Variants in AKNA observed in about 807,000 individuals in gnomAD.
The protein encoded by AKNA is microtubule organization protein AKNA.
A neutral mutation model predicts 138.8 loss-of-function variants in AKNA; 67 were observed. The ratio of observed to expected loss-of-function variants is 0.48; its 90% CI spans 0.40 to 0.59. The LOEUF is 0.59. Among genes scored for constraint, AKNA ranks in the 20% least tolerant of loss-of-function variants. The pLI is 0.00. For synonymous variants in AKNA, 737 were observed against 754.4 expected, an observed-to-expected ratio of 0.98 and a Z score of 0.38; for missense variants, 1,813 against 1,880.4, an observed-to-expected ratio of 0.96 and a Z score of 0.66.
Position 114,373,885 on chromosome 9 carries a change from CAA to C in AKNA, c.1416+206_1416+207del, listed in dbSNP as rs758805914. On this transcript the variant is annotated intron_variant, in intron 4 of 21. Transcript: ENST00000374088. Reference sequence around the variant, plus strand: ...TAGGTGACAGAGCAAGACCCTGACTCAAAAAAAAAAAAAAAAAAAAAAGCCCA... The same window carrying C: ...TAGGTGACAGAGCAAGACCCTGACTCAAAAAAAAAAAAAAAAAAAAGCCCA... Among the ~76,000 whole-genome samples, 50 of 78,994 alleles carry C rather than the reference CAA, an allele frequency of 6.3e-4. 2 individuals carry two copies. The highest frequency in any genetic ancestry group is 2.8e-3 in the Admixed American group (19 of 6,878). 51.8% of individuals were successfully genotyped at this position (78,994 alleles called of 152,430 possible). A position where few individuals can be genotyped will look rare whatever the true frequency, so the allele number is the denominator to read the frequency against.
chr9:114,362,822 T>C (rs1240985410), intron 7 of AKNA, among the ~76,000 whole-genome samples: 1 of 152,204 alleles, frequency 6.6e-6, no homozygotes, highest in Non-Finnish European at 1.5e-5. Context: ...AGGACCCCAA[T>C]GTACCACAAA....
rs1242539637 is a variant in AKNA at position 114,335,328 on chromosome 9, A to T, written c.*1726T>A. The T allele has an allele frequency of 6.6e-6, 1 of 152,216 alleles. No individual in the cohort carries two copies. The highest frequency in any genetic ancestry group is 1.9e-4 in the East Asian group (1 of 5,194). The allele number at this position is 152,216 out of a possible 1,614,324, so 9.4% of individuals were successfully genotyped here. ...CCAGTTTGGGCAGATGGCCCATTGG[A>T]ACCCCACTCTCCTCATCAGTAAAAG... On this transcript the variant is annotated 3_prime_UTR_variant, in exon 22 of 22. Coordinates refer to ENST00000374088, the MANE Select transcript of AKNA (RefSeq NM_001317950.2).
At chr9:114,370,722 A>G (rs1400978685) in intron 4 of AKNA, among the ~76,000 whole-genome samples, 2 of 152,204 alleles carry the variant, frequency 1.3e-5, no homozygotes, top group African/African-American at 4.8e-5. Context: ...GGGTTAAACA[A>G]ATGAATATTC....
At chr9:114,373,252 G>A (rs1832926432) in intron 4 of AKNA, among the ~76,000 whole-genome samples, 1 of 152,234 alleles carries the variant, frequency 6.6e-6, no homozygotes, top group Non-Finnish European at 1.5e-5. Context: ...TCAGAAAAGA[G>A]GAAGGTGCAG....
chr9:114,369,668 G>A (rs1832620519), intron 4 of AKNA, among the ~76,000 whole-genome samples: 1 of 129,502 alleles, frequency 7.7e-6, no homozygotes, highest in Non-Finnish European at 1.5e-5. Context: ...ACCATCATTA[G>A]CATCACCATC....
intron 21 of AKNA, among the ~76,000 whole-genome samples, chr9:114,339,723 T>C (rs973803664): frequency 1.4e-4 from 22 of 152,218 alleles, no homozygotes; most frequent in Non-Finnish European, 2.6e-4. Flanking sequence ...GGTCTGAGCA[T>C]GCAGCATTGG....
intron 6 of AKNA, among the ~76,000 whole-genome samples, 196 bp downstream of exon 6, chr9:114,367,347 C>G (rs1564642220): frequency 6.6e-6 from 1 of 152,000 alleles, no homozygotes; most frequent in Non-Finnish European, 1.5e-5. Flanking sequence ...GCACTGGTGA[C>G]AAGGAGGAGG....
intron 13 of AKNA, 49 bp from the exon 14 acceptor site, chr9:114,356,185 C>T (rs1235711052): frequency 1.3e-6 from 2 of 1,552,130 alleles, no homozygotes; most frequent in East Asian, 4.5e-5. Flanking sequence ...CAGAGTGAGA[C>T]ACTCAGGCGG....
chr9:114,394,951 A>G (rs1223209585), upstream of AKNA, among the ~76,000 whole-genome samples: 1 of 152,072 alleles, frequency 6.6e-6, no homozygotes, highest in Non-Finnish European at 1.5e-5. Flanking sequence ...CTGAGCTGGC[A>G]GTGGGGGGGC....
At chr9:114,355,177 CTTT>C (rs901443083) in intron 14 of AKNA, among the ~76,000 whole-genome samples, 10 of 102,088 alleles carry the variant, frequency 9.8e-5, no homozygotes, top group East Asian at 2.8e-4. Flanking sequence ...CTGTACTGTA[CTTT>C]TTTTTTTTTT....
upstream of AKNA, among the ~76,000 whole-genome samples, chr9:114,389,565 C>T (rs1208457180): frequency 6.6e-6 from 1 of 152,124 alleles, no homozygotes; most frequent in African/African-American, 2.4e-5. Flanking sequence ...GTAGCCACCC[C>T]ACAGGGGCTG....
intron 1 of AKNA, among the ~76,000 whole-genome samples, chr9:114,384,310 C>T (rs1032311388): frequency 1.3e-5 from 2 of 152,192 alleles, no homozygotes; most frequent in African/African-American, 4.8e-5. Context: ...GCGGCTCACA[C>T]CTGCAATCCC....
chr9:114,339,104 G>A (rs949868339), intron 21 of AKNA, among the ~76,000 whole-genome samples: 18 of 152,086 alleles, frequency 1.2e-4, no homozygotes, highest in South Asian at 4.1e-4. Context: ...ATCATAAATC[G>A]AACCATTGTA....
In AKNA at chr9:114,376,877, T is replaced by C. The variant is rs1307221656; in HGVS notation, c.930A>G (p.Arg310=). The C allele has an allele frequency of 6.2e-7, 1 of 1,614,116 alleles. No homozygotes were observed. Among genetic ancestry groups the C allele is most frequent in the Non-Finnish European group, 8.5e-7 (1 of 1,180,006 alleles). ...TKTSPKPLPS[R]FIGSISPLNP... ...TCAGGGGGCTGATGGAGCCAATGAA[T>C]CGGGAAGGGAGTGGCTTAGGTGACG... Residue 310 remains arginine (R), a synonymous_variant, in exon 3 of 22, where the codon CGA becomes CGG. Transcript: ENST00000374088.
intron 6 of AKNA, among the ~76,000 whole-genome samples, chr9:114,367,301 G>A (rs1482472986): frequency 2.0e-5 from 3 of 152,106 alleles, no homozygotes; most frequent in Non-Finnish European, 4.4e-5. Flanking sequence ...GAGGGATTTG[G>A]ATGAGATGCA....
At chr9:114,346,131 C>T in intron 17 of AKNA, 122 bp from the exon 18 acceptor site, 1 of 973,798 alleles carries the variant, frequency 1.0e-6, no homozygotes, top group Non-Finnish European at 1.5e-6. Flanking sequence ...CCCAGTCTCC[C>T]CCTTAGGAGT....
At chr9:114,364,900 T>A (rs1283633129) in intron 6 of AKNA, among the ~76,000 whole-genome samples, 5 of 152,138 alleles carry the variant, frequency 3.3e-5, no homozygotes, top group African/African-American at 7.2e-5. Flanking sequence ...TACTGCAGCA[T>A]GAACAGTAGG....
Position 114,335,899 on chromosome 9 carries a change from C to G in AKNA, c.*1155G>C, listed in dbSNP as rs1564609693. ...CCTCATTTACATCTCTGGCCTCAGT[C>G]AAAAGGGACTTGGCTAGGCAGCCCC... is the stretch of plus-strand genomic sequence containing the variant. On this transcript the variant is annotated 3_prime_UTR_variant, in exon 22 of 22. Transcript: ENST00000374088. The G allele has an allele frequency of 6.6e-6, 1 of 152,208 alleles. No homozygotes were observed. The highest frequency in any genetic ancestry group is 1.5e-5 in the Non-Finnish European group (1 of 68,062). The allele number at this position is 152,208 out of a possible 1,614,324, so 9.4% of individuals were successfully genotyped here. A position where few individuals can be genotyped will look rare whatever the true frequency, so the allele number is the denominator to read the frequency against.
intron 4 of AKNA, among the ~76,000 whole-genome samples, chr9:114,370,778 T>G (rs1832715701): frequency 6.6e-6 from 1 of 152,132 alleles, no homozygotes; most frequent in Non-Finnish European, 1.5e-5. Flanking sequence ...CTAATGGGCT[T>G]TATGAATGGG....
Sources: allele counts gnomAD v4.1 joint callset (sites outside exome capture counted in the v4.1 genomes callset), GRCh38; gene constraint gnomAD v4.1.1; transcripts MANE v1.5; gene names NCBI Gene and HGNC (gene_info 2026-07-23, HGNC 2026-07-21).